Variants in UBL3 observed in about 807,000 individuals in gnomAD.
UBL3 encodes ubiquitin like 3, also known as ubiquitin-like protein 3.
A neutral mutation model predicts 18.4 loss-of-function variants in UBL3; 6 were observed. The ratio of observed to expected loss-of-function variants is 0.33; its 90% confidence interval spans 0.18 to 0.64. UBL3 has a LOEUF of 0.64. UBL3 is among the 30% of genes least tolerant of loss of function. The pLI, the probability that UBL3 is intolerant of heterozygous loss-of-function variation, is 0.76. For synonymous variants in UBL3, 49 were observed against 46.6 expected (o/e 1.05, Z -0.21); for missense variants, 109 against 142.9 (o/e 0.76, Z 1.21).
chr13:29,801,130 T>A (rs1877752587), intron 1 of UBL3, among the ~76,000 whole-genome samples: 1 of 152,074 alleles, frequency 6.6e-6, no homozygotes, highest in Non-Finnish European at 1.5e-5. Flanking sequence ...GTACTGCCCT[T>A]GCCACCCTCA....
intron 1 of UBL3, among the ~76,000 whole-genome samples, chr13:29,840,121 C>T (rs566176677): frequency 4.1e-4 from 62 of 151,634 alleles, no homozygotes; most frequent in African/African-American, 1.5e-3. Flanking sequence ...GAAAAGACTG[C>T]GTACAAAGAG....
chr13:29,848,297 A>G lies in UBL3; in HGVS notation c.27+1215T>C, dbSNP rs1272576686. On this transcript the variant is annotated intron_variant, in intron 1 of 4. Transcript: ENST00000380680. ...TGTCTCCACAAAAAAAAAAAAAAAAAAAAAAAAAAATTAGCCAGGTGTGGT... is the reference window on the plus strand; with the variant it reads ...TGTCTCCACAAAAAAAAAAAAAAAAGAAAAAAAAAATTAGCCAGGTGTGGT... Among the ~76,000 whole-genome samples, 3 of 149,176 alleles carry G rather than the reference A, an allele frequency of 2.0e-5. No individual in the cohort carries two copies. In the East Asian group the frequency reaches 5.9e-4, roughly 29 times the overall value.
intron 1 of UBL3, among the ~76,000 whole-genome samples, chr13:29,838,714 A>G (rs1277341384): frequency 1.3e-5 from 2 of 152,206 alleles, no homozygotes; most frequent in Admixed American, 1.3e-4. Flanking sequence ...AGAAAACAAA[A>G]TGGAAGGGAA....
chr13:29,828,048 A>G (rs1472336496), intron 1 of UBL3, among the ~76,000 whole-genome samples: 1 of 152,122 alleles, frequency 6.6e-6, no homozygotes, highest in Non-Finnish European at 1.5e-5. Flanking sequence ...CCAAGAGATC[A>G]GCTGTTAGTC....
rs901173969 is a variant in UBL3 at position 29,764,810 on chromosome 13, C to T, written c.*2445G>A. Reference sequence around the variant, plus strand: ...CAGCTCTCACCTTTAGATAAGTGAGCTATATTTTTGGCAGAGGGATCTTCA... The same window carrying T: ...CAGCTCTCACCTTTAGATAAGTGAGTTATATTTTTGGCAGAGGGATCTTCA... On this transcript the variant is annotated 3_prime_UTR_variant, in exon 5 of 5. Coordinates refer to ENST00000380680, the MANE Select transcript of UBL3 (RefSeq NM_007106.4). 3.3e-5 allele frequency: 5 copies of T among 152,068 alleles called. No individual in the cohort carries two copies. Among genetic ancestry groups the T allele is most frequent in the African/African-American group, 1.2e-4 (5 of 41,410 alleles). 9.4% of individuals were successfully genotyped at this position (152,068 alleles called of 1,614,324 possible). A position where few individuals can be genotyped will look rare whatever the true frequency, so the allele number is the denominator to read the frequency against.
intron 1 of UBL3, among the ~76,000 whole-genome samples, chr13:29,798,538 G>A (rs1877674608): frequency 6.6e-6 from 1 of 152,116 alleles, no homozygotes; most frequent in African/African-American, 2.4e-5. Flanking sequence ...CTTACTAACA[G>A]TCCTTATTCT....
At chr13:29,848,309 T>TAAGA (rs1879279585) in intron 1 of UBL3, among the ~76,000 whole-genome samples, 1 of 100,446 alleles carries the variant, frequency 1.0e-5, no homozygotes, top group Admixed American at 1.0e-4. Context: ...AAAAAAAAAT[T>TAAGA]AGCCAGGTGT....
intron 1 of UBL3, among the ~76,000 whole-genome samples, chr13:29,799,114 T>C (rs994506523): frequency 2.0e-5 from 3 of 152,128 alleles, no homozygotes; most frequent in Admixed American, 2.0e-4. Context: ...ATTTGGGTAG[T>C]GGGGGGAGCT....
intron 1 of UBL3, among the ~76,000 whole-genome samples, chr13:29,792,827 C>T (rs185904476): frequency 2.1e-4 from 32 of 152,264 alleles, no homozygotes; most frequent in Admixed American, 1.0e-3. Context: ...CTTTGCATAA[C>T]AAGCAGGAAA....
intron 1 of UBL3, among the ~76,000 whole-genome samples, chr13:29,800,328 A>T (rs1402911911): frequency 6.6e-6 from 1 of 152,218 alleles, no homozygotes. Context: ...CCTAACCCTG[A>T]CTGAATGAGT....
intron 1 of UBL3, among the ~76,000 whole-genome samples, chr13:29,815,223 A>C (rs1363982499): frequency 1.3e-5 from 2 of 152,152 alleles, no homozygotes; most frequent in African/African-American, 2.4e-5. Flanking sequence ...CAAGGGTCTG[A>C]AACAGCATCC....
Position 29,777,177 on chromosome 13 carries a change from A to G in UBL3, c.114T>C (p.His38=). The G allele has an allele frequency of 6.2e-7, 1 of 1,606,210 alleles. No individual in the cohort carries two copies. Among genetic ancestry groups the G allele is most frequent in the Non-Finnish European group, 8.5e-7 (1 of 1,176,174 alleles). ...CACCCATTGGCCAATTGTCATATACATGCTTTGCAATGTCAGAAGCAGAAT... is the reference window on the plus strand; with the variant it reads ...CACCCATTGGCCAATTGTCATATACGTGCTTTGCAATGTCAGAAGCAGAAT... ...PNDSASDIAK[H]VYDNWPMDWE... Residue 38 remains histidine, a synonymous_variant, in exon 2 of 5, where the codon CAT becomes CAC. Transcript: ENST00000380680.
At chr13:29,840,724 T>A (rs1302011955) in intron 1 of UBL3, among the ~76,000 whole-genome samples, 1 of 152,188 alleles carries the variant, frequency 6.6e-6, no homozygotes, top group East Asian at 1.9e-4. Context: ...AGCAACTACA[T>A]TACTAAGAGT....
intron 1 of UBL3, among the ~76,000 whole-genome samples, chr13:29,836,677 C>A (rs951925143): frequency 1.3e-5 from 2 of 151,904 alleles, no homozygotes; most frequent in Non-Finnish European, 2.9e-5. Flanking sequence ...TTGTATGAAT[C>A]TCACTGGGCT....
At chr13:29,808,050 G>A (rs1877942129) in intron 1 of UBL3, among the ~76,000 whole-genome samples, 1 of 152,068 alleles carries the variant, frequency 6.6e-6, no homozygotes, top group South Asian at 2.1e-4. Flanking sequence ...GAGAAATCAG[G>A]TATATATGAG....
At chr13:29,832,396 T>G (rs1049439314) in intron 1 of UBL3, among the ~76,000 whole-genome samples, 3 of 151,412 alleles carry the variant, frequency 2.0e-5, no homozygotes, top group South Asian at 2.1e-4. Context: ...GCAGTGGCGC[T>G]ATCTCGGCTC....
intron 1 of UBL3, among the ~76,000 whole-genome samples, chr13:29,841,066 TATATC>T (rs1423618565): frequency 6.6e-6 from 1 of 152,124 alleles, no homozygotes; most frequent in Non-Finnish European, 1.5e-5. Flanking sequence ...AAGAAAAACA[TATATC>T]ATAAGAACAT....
chr13:29,818,800 C>T (rs559151031), intron 1 of UBL3, among the ~76,000 whole-genome samples: 155 of 152,288 alleles, frequency 1.0e-3, no homozygotes, highest in Non-Finnish European at 1.9e-3. Context: ...CTTTCCCATG[C>T]GTTCTCCCCT....
At chr13:29,812,177 A>G (rs530477517) in intron 1 of UBL3, among the ~76,000 whole-genome samples, 23 of 152,178 alleles carry the variant, frequency 1.5e-4, no homozygotes, top group African/African-American at 5.5e-4. Context: ...CAGTCTTACC[A>G]TTATTTATTC....
Sources: allele counts gnomAD v4.1 joint callset (sites outside exome capture counted in the v4.1 genomes callset), GRCh38; gene constraint gnomAD v4.1.1; transcripts MANE v1.5; gene names NCBI Gene and HGNC (gene_info 2026-07-23, HGNC 2026-07-21).